Variants in SLC25A26 observed in about 807,000 individuals in gnomAD.
SLC25A26 encodes solute carrier family 25 member 26.
SLC25A26 carries 36 observed loss-of-function variants against 37.8 expected under a neutral mutation model. That is an observed-to-expected ratio of 0.95 (90% CI 0.73 to 1.26). SLC25A26 has a LOEUF of 1.26. Ranked by LOEUF, SLC25A26 falls within the 50% of genes most tolerant of loss-of-function variation. SLC25A26 has a pLI of 0.00. For synonymous variants in SLC25A26, 129 were observed against 122.5 expected (o/e 1.05, Z -0.35); for missense variants, 390 against 331.1 (o/e 1.18, Z -1.38).
intron 1 of SLC25A26, among the ~76,000 whole-genome samples, chr3:66,169,497 C>T (rs1576608896): frequency 6.6e-6 from 1 of 152,200 alleles, no homozygotes; most frequent in African/African-American, 2.4e-5. Flanking sequence ...TTCCTTGTCC[C>T]ACCCCATCTA....
At chr3:66,182,075 C>G (rs1433455667) in intron 1 of SLC25A26, among the ~76,000 whole-genome samples, 1 of 152,114 alleles carries the variant, frequency 6.6e-6, no homozygotes, top group Non-Finnish European at 1.5e-5. Flanking sequence ...CTTTTCTTAT[C>G]TGAAAACTGA....
chr3:66,308,773 T>G (rs1416191404), intron 5 of SLC25A26, among the ~76,000 whole-genome samples: 1 of 152,232 alleles, frequency 6.6e-6, no homozygotes, highest in East Asian at 1.9e-4. Flanking sequence ...GAAAGCCTTT[T>G]CTGCATCTGT....
intron 9 of SLC25A26, chr3:66,371,162 G>T: frequency 7.0e-7 from 1 of 1,437,360 alleles, no homozygotes; most frequent in South Asian, 1.5e-5. Flanking sequence ...CCTGAATGTT[G>T]AGATCTTACA....
chr3:66,209,137 TTATA>T (rs1231954950), intron 1 of SLC25A26, among the ~76,000 whole-genome samples: 1 of 94,040 alleles, frequency 1.1e-5, no homozygotes, highest in Non-Finnish European at 2.1e-5. Flanking sequence ...TATATACCTT[TTATA>T]TATATATATA....
chr3:66,250,712 G>A (rs766948194), intron 3 of SLC25A26, among the ~76,000 whole-genome samples: 18 of 152,160 alleles, frequency 1.2e-4, no homozygotes, highest in Non-Finnish European at 2.4e-4. Flanking sequence ...ACAAGGTAGA[G>A]TGAGAGACTG....
chr3:66,141,562 C>T, intron 1 of SLC25A26, among the ~76,000 whole-genome samples: 1 of 150,966 alleles, frequency 6.6e-6, no homozygotes, highest in Non-Finnish European at 1.5e-5. Flanking sequence ...ACCCAGGCTA[C>T]AGTGCAGTGG....
intron 5 of SLC25A26, among the ~76,000 whole-genome samples, chr3:66,345,981 C>G (rs973818128): frequency 5.9e-5 from 9 of 152,140 alleles, no homozygotes; most frequent in African/African-American, 1.9e-4. Context: ...TTGCTTGAGC[C>G]CTCAAGTTTG....
chr3:66,246,922 C>T (rs1388055097), intron 3 of SLC25A26, among the ~76,000 whole-genome samples: 7 of 152,124 alleles, frequency 4.6e-5, no homozygotes, highest in Non-Finnish European at 1.0e-4. Context: ...AGTGCAGTGG[C>T]GCGATCTCGG....
chr3:66,371,429 G>A (rs540996017), intron 9 of SLC25A26: 649 of 1,432,902 alleles, frequency 4.5e-4, no homozygotes, highest in Non-Finnish European at 5.8e-4. Context: ...TCAGGACCCA[G>A]TTAAGGTTTT....
chr3:66,139,237 G>A (rs867588478), intron 1 of SLC25A26, among the ~76,000 whole-genome samples: 3 of 152,190 alleles, frequency 2.0e-5, no homozygotes, highest in South Asian at 2.1e-4. Context: ...AAAAAGGAAT[G>A]GTGAAACCCT....
chr3:66,348,127 TCAA>T (rs368232804), intron 6 of SLC25A26, among the ~76,000 whole-genome samples: 295 of 152,076 alleles, frequency 1.9e-3, no homozygotes, highest in South Asian at 6.2e-3. Flanking sequence ...CCCTGGAACT[TCAA>T]CAACAACAAC....
intron 3 of SLC25A26, among the ~76,000 whole-genome samples, chr3:66,255,986 A>G (rs2073285505): frequency 6.6e-6 from 1 of 152,182 alleles, no homozygotes; most frequent in Non-Finnish European, 1.5e-5. Context: ...TTTAAGAACT[A>G]AAAACACAAT....
intron 3 of SLC25A26, among the ~76,000 whole-genome samples, chr3:66,249,825 T>A (rs1403827068): frequency 6.6e-6 from 1 of 152,172 alleles, no homozygotes; most frequent in African/African-American, 2.4e-5. Flanking sequence ...TATATAAAGA[T>A]GAATGAAGGT....
chr3:66,182,421 C>T (rs1301392499), intron 1 of SLC25A26, among the ~76,000 whole-genome samples: 7 of 151,936 alleles, frequency 4.6e-5, no homozygotes, highest in African/African-American at 9.7e-5. Context: ...CCCAATGAAA[C>T]GGGAGGCGGC....
chr3:66,187,553 A>T (rs1007707228), intron 1 of SLC25A26, among the ~76,000 whole-genome samples: 1,631 of 151,914 alleles, frequency 0.011, 30 homozygotes, highest in African/African-American at 0.037. Flanking sequence ...CTCTACCCTT[A>T]CCCTGGCCCT....
intron 5 of SLC25A26, among the ~76,000 whole-genome samples, chr3:66,277,159 C>T (rs1212174937): frequency 6.6e-6 from 1 of 151,822 alleles, no homozygotes; most frequent in African/African-American, 2.4e-5. Flanking sequence ...AAAATGAATC[C>T]CTGTAGTCTC....
At chr3:66,356,823 C>A (rs1484432072) in intron 6 of SLC25A26, among the ~76,000 whole-genome samples, 5 of 151,972 alleles carry the variant, frequency 3.3e-5, no homozygotes. Flanking sequence ...GAGACAGGGT[C>A]TCCCTGTGTT....
intron 6 of SLC25A26, among the ~76,000 whole-genome samples, chr3:66,355,371 G>A (rs1349583721): frequency 1.3e-5 from 2 of 152,050 alleles, no homozygotes; most frequent in African/African-American, 4.8e-5. Context: ...AATTGATGCT[G>A]CTTGCACATC....
intron 5 of SLC25A26, among the ~76,000 whole-genome samples, chr3:66,331,774 A>G (rs1262681796): frequency 6.6e-6 from 1 of 152,174 alleles, no homozygotes; most frequent in Admixed American, 6.5e-5. Flanking sequence ...TTATTTAAAA[A>G]TAAAACATGT....
Sources: allele counts gnomAD v4.1 joint callset (sites outside exome capture counted in the v4.1 genomes callset), GRCh38; gene constraint gnomAD v4.1.1; transcripts MANE v1.5; gene names NCBI Gene and HGNC (gene_info 2026-07-23, HGNC 2026-07-21).